CTNNA3: variants seen among roughly 807,000 people sequenced by gnomAD.
The protein encoded by CTNNA3 is catenin alpha 3, also known as catenin alpha-3.
In CTNNA3, 76 loss-of-function variants were observed where a neutral mutation model predicts 95.7. The observed-to-expected ratio is 0.79, with a 90% CI of 0.66 to 0.96. The LOEUF is 0.96. Among genes scored for constraint, CTNNA3 ranks in the 40% least tolerant of loss-of-function variants. The pLI is 0.00. For synonymous variants in CTNNA3, 431 were observed against 374.4 expected (o/e 1.15, Z -1.74); for missense variants, 1,191 against 1,089.8 (o/e 1.09, Z -1.31).
intron 7 of CTNNA3, among the ~76,000 whole-genome samples, chr10:67,167,168 C>T (rs1861807829): frequency 6.6e-6 from 1 of 151,950 alleles, no homozygotes; most frequent in Non-Finnish European, 1.5e-5. Flanking sequence ...TGAGGTTTGG[C>T]TGGGCTCAGC....
chr10:67,694,942 C>T (rs768889008), intron 1 of CTNNA3, among the ~76,000 whole-genome samples: 15 of 152,268 alleles, frequency 9.9e-5, no homozygotes, highest in Admixed American at 3.9e-4. Context: ...TTTGTCTATA[C>T]TGTCTGTATT....
intron 15 of CTNNA3, among the ~76,000 whole-genome samples, chr10:65,996,193 C>T (rs567674825): frequency 2.6e-5 from 4 of 152,296 alleles, no homozygotes; most frequent in African/African-American, 9.6e-5. Flanking sequence ...TGGGGAGAGC[C>T]AGTCTTCAGA....
intron 3 of CTNNA3, among the ~76,000 whole-genome samples, chr10:67,566,041 G>GTATATATATATA (rs1388066358): frequency 0.02 from 582 of 29,296 alleles, 26 homozygotes; most frequent in Non-Finnish European, 0.023. Flanking sequence ...ATATGTGTGT[G>GTATATATATATA]TGTATATATA....
At chr10:65,950,564 C>T (rs980893394) in intron 17 of CTNNA3, among the ~76,000 whole-genome samples, 2 of 152,164 alleles carry the variant, frequency 1.3e-5, no homozygotes, top group African/African-American at 4.8e-5. Flanking sequence ...ACATCTTGTT[C>T]ACTTTCATGG....
intron 10 of CTNNA3, among the ~76,000 whole-genome samples, chr10:66,588,203 C>T (rs1159446905): frequency 6.6e-6 from 1 of 152,026 alleles, no homozygotes; most frequent in African/African-American, 2.4e-5. Flanking sequence ...GCCTGAATTG[C>T]CCGGCTCTCC....
intron 13 of CTNNA3, among the ~76,000 whole-genome samples, chr10:66,267,321 T>A (rs1204014106): frequency 6.6e-6 from 1 of 152,104 alleles, no homozygotes; most frequent in East Asian, 1.9e-4. Flanking sequence ...GACCTCCGTA[T>A]CCTTGCAAAT....
intron 5 of CTNNA3, among the ~76,000 whole-genome samples, chr10:67,386,176 C>T (rs1422042446): frequency 2.0e-5 from 3 of 152,198 alleles, no homozygotes. Flanking sequence ...GAATTCTTTA[C>T]ATTGCCATGC....
At chr10:66,575,613 C>T (rs1479178817) in intron 10 of CTNNA3, among the ~76,000 whole-genome samples, 1 of 152,138 alleles carries the variant, frequency 6.6e-6, no homozygotes, top group Non-Finnish European at 1.5e-5. Flanking sequence ...CCATATCCTA[C>T]AGCTGGTGGG....
intron 7 of CTNNA3, among the ~76,000 whole-genome samples, chr10:67,151,400 C>G (rs993955007): frequency 6.6e-6 from 1 of 151,710 alleles, no homozygotes; most frequent in Non-Finnish European, 1.5e-5. Context: ...AACGAGTTAA[C>G]AATAACATGA....
In CTNNA3 at chr10:66,964,489, A is replaced by G. The variant is rs114406191; in HGVS notation, c.1048-188965T>C. 9.1e-3 allele frequency among the ~76,000 whole-genome samples: 1,385 copies of G among 152,330 alleles called. 24 individuals carry two copies. Among genetic ancestry groups the G allele is most frequent in the African/African-American group, 0.029 (1,187 of 41,574 alleles). ...CAGATGATAACAATTGTAAATATTC[A>G]TAAATCAGGGACCAGGATTCCTATT... On this transcript the variant is annotated intron_variant, in intron 7 of 17. Coordinates refer to ENST00000433211, the MANE Select transcript of CTNNA3 (RefSeq NM_013266.4).
chr10:66,702,068 G>A (rs1284858383), intron 9 of CTNNA3, among the ~76,000 whole-genome samples: 6 of 151,962 alleles, frequency 3.9e-5, no homozygotes, highest in Non-Finnish European at 2.9e-5. Flanking sequence ...CTACTGATAA[G>A]CAACAATTTT....
intron 1 of CTNNA3, among the ~76,000 whole-genome samples, chr10:67,693,209 G>T (rs79510572): frequency 0.027 from 4,147 of 152,158 alleles, 83 homozygotes; most frequent in Non-Finnish European, 0.04. Flanking sequence ...CAGATGTATC[G>T]GCTAACAGTC....
intron 3 of CTNNA3, among the ~76,000 whole-genome samples, chr10:67,563,709 T>C (rs1178569904): frequency 1.3e-5 from 2 of 151,994 alleles, no homozygotes; most frequent in Non-Finnish European, 2.9e-5. Flanking sequence ...ACAGGCAACC[T>C]ACAGAATGGG....
chr10:66,682,905 T>C (rs1259628084), intron 9 of CTNNA3, among the ~76,000 whole-genome samples: 4 of 152,178 alleles, frequency 2.6e-5, no homozygotes, highest in Non-Finnish European at 1.5e-5. Flanking sequence ...TTTTCTTTTC[T>C]GGAAAATGGA....
intron 11 of CTNNA3, among the ~76,000 whole-genome samples, chr10:66,450,998 A>T (rs187360632): frequency 6.6e-6 from 1 of 152,266 alleles, no homozygotes; most frequent in East Asian, 1.9e-4. Context: ...CCTCCAATAT[A>T]AATGGAACTT....
At chr10:66,785,646 A>T (rs935975775) in intron 7 of CTNNA3, among the ~76,000 whole-genome samples, 2 of 152,172 alleles carry the variant, frequency 1.3e-5, no homozygotes, top group African/African-American at 2.4e-5. Flanking sequence ...TCTGGCCCTC[A>T]GATGGGGACT....
At chr10:66,863,533 G>A (rs1371770996) in intron 7 of CTNNA3, among the ~76,000 whole-genome samples, 1 of 152,158 alleles carries the variant, frequency 6.6e-6, no homozygotes, top group Non-Finnish European at 1.5e-5. Flanking sequence ...ATTTGCTGAT[G>A]AGGAGCTGGA....
chr10:66,316,412 A>G (rs890611816), intron 12 of CTNNA3, among the ~76,000 whole-genome samples: 3 of 152,070 alleles, frequency 2.0e-5, no homozygotes, highest in Admixed American at 6.6e-5. Context: ...AGTAATATAT[A>G]TTAATTAACT....
intron 14 of CTNNA3, among the ~76,000 whole-genome samples, chr10:66,093,094 CTT>C (rs2081271910): frequency 6.6e-6 from 1 of 151,876 alleles, no homozygotes; most frequent in Admixed American, 6.6e-5. Context: ...TGGTAAAAAT[CTT>C]TCCCAGATTG....
Sources: gnomAD v4.1 joint callset for allele counts (sites outside exome capture counted in the v4.1 genomes callset) on GRCh38, gnomAD v4.1.1 for gene constraint, MANE v1.5 for transcripts, NCBI Gene and HGNC (gene_info 2026-07-23, HGNC 2026-07-21) for gene names.